LTBP1: variants seen among roughly 807,000 people sequenced by gnomAD.
The protein encoded by LTBP1 is latent-transforming growth factor beta-binding protein 1.
Under a neutral mutation model 207.6 loss-of-function variants are expected in LTBP1, and 129 were observed. The ratio of observed to expected loss-of-function variants is 0.62; its 90% confidence interval spans 0.54 to 0.72. The LOEUF (loss-of-function observed/expected upper bound fraction) is 0.72, where lower values mean the gene tolerates loss of function less well. LTBP1 is among the 30% of genes least tolerant of loss of function. LTBP1 has a pLI of 0.00. For missense variants in LTBP1, 2,281 were observed against 2,217.2 expected (o/e 1.03, Z -0.58); for synonymous variants, 963 against 833.7 (o/e 1.16, Z -2.67).
At chr2:33,341,729 A>AAAAAAAAAAAATATAT (rs745445793) in intron 24 of LTBP1, among the ~76,000 whole-genome samples, 2 of 93,636 alleles carry the variant, frequency 2.1e-5, no homozygotes, top group African/African-American at 1.0e-4. Context: ...AAAAAAAAAA[A>AAAAAAAAAAAATATAT]ATATATATAT....
chr2:33,382,548 C>G lies in LTBP1; in HGVS notation c.4712-6636C>G, dbSNP rs202109320. On this transcript the variant is annotated intron_variant, in intron 31 of 33. Transcript: ENST00000404816. ...CTTCCAGGATGACTTTAGTCATCGTCTCTGTGATCCTGATAAGTTATTGCA... is the reference window on the plus strand; with the variant it reads ...CTTCCAGGATGACTTTAGTCATCGTGTCTGTGATCCTGATAAGTTATTGCA... Among the ~76,000 whole-genome samples the G allele has an allele frequency of 2.6e-5, 4 of 152,196 alleles. No individual in the cohort carries two copies. In the East Asian group the frequency reaches 5.8e-4, roughly 22 times the overall value.
In LTBP1 at chr2:33,093,433, C is replaced by G. The variant is rs186209482; in HGVS notation, c.864-17149C>G. On this transcript the variant is annotated intron_variant, in intron 3 of 33. Coordinates refer to ENST00000404816, the MANE Select transcript of LTBP1 (RefSeq NM_206943.4). ...TTGAAAAAAAATTACACAATTGGAA[C>G]AATTCAAGCATTTTGAAACATTCTC... Among the ~76,000 whole-genome samples the G allele has an allele frequency of 1.5e-3, 221 of 152,154 alleles. 1 individual carries two copies. The highest frequency in any genetic ancestry group is 3.6e-3 in the African/African-American group (150 of 41,522).
chr2:33,287,966 G>A (rs147177802), intron 19 of LTBP1, among the ~76,000 whole-genome samples: 328 of 152,286 alleles, frequency 2.2e-3, no homozygotes, highest in African/African-American at 7.4e-3. Flanking sequence ...AAGATTATGT[G>A]TGAAGAATAG....
At chr2:33,327,699 T>G (rs140895582) in intron 24 of LTBP1, among the ~76,000 whole-genome samples, 75 of 152,328 alleles carry the variant, frequency 4.9e-4, no homozygotes, top group African/African-American at 1.6e-3. Context: ...TATTTCAGTC[T>G]AATATATATG....
intron 3 of LTBP1, among the ~76,000 whole-genome samples, chr2:33,058,814 C>CT (rs2077130533): frequency 6.6e-6 from 1 of 152,036 alleles, no homozygotes. Flanking sequence ...AGAATGGTAC[C>CT]TTACTATAAA....
intron 15 of LTBP1, among the ~76,000 whole-genome samples, chr2:33,264,085 C>T (rs570928735): frequency 1.3e-5 from 2 of 151,652 alleles, no homozygotes; most frequent in African/African-American, 4.8e-5. Context: ...GAAACCCCAT[C>T]TCTACTAAAA....
chr2:32,968,446 T>A (rs1680322807), intron 2 of LTBP1, among the ~76,000 whole-genome samples: 1 of 152,234 alleles, frequency 6.6e-6, no homozygotes, highest in South Asian at 2.1e-4. Flanking sequence ...TATTTCTGCT[T>A]TCTTTTGGTT....
chr2:33,122,249 C>G (rs1281325067), intron 4 of LTBP1, among the ~76,000 whole-genome samples: 2 of 152,194 alleles, frequency 1.3e-5, no homozygotes, highest in Non-Finnish European at 2.9e-5. Flanking sequence ...GTCTGCTGAC[C>G]TGCCAACTCC....
In LTBP1 at chr2:32,947,450, C is replaced by G. The variant is rs1012344658; in HGVS notation, c.126C>G (p.Ala42=). The G allele has an allele frequency of 2.8e-6, 4 of 1,444,300 alleles. No homozygotes were observed. In the African/African-American group the frequency reaches 5.9e-5, roughly 21 times the overall value. 89.5% of individuals were successfully genotyped at this position (1,444,300 alleles called of 1,614,324 possible). Residue 42 remains alanine (A), a synonymous_variant, in exon 1 of 34, where the codon GCC becomes GCG. Coordinates refer to ENST00000404816, the MANE Select transcript of LTBP1 (RefSeq NM_206943.4). Reference sequence around the variant, plus strand: ...CGGGCCCCGGCCTGGCAGCCGGCGCCTTGCCCCTGAGCGGGCCCCCGCGTT... The same window carrying G: ...CGGGCCCCGGCCTGGCAGCCGGCGCGTTGCCCCTGAGCGGGCCCCCGCGTT... ...VHPGPGLAAG[A]LPLSGPPRSR... is the part of the protein sequence containing the mutation.
intron 2 of LTBP1, among the ~76,000 whole-genome samples, chr2:32,976,340 C>A (rs1572902732): frequency 6.6e-6 from 1 of 152,254 alleles, no homozygotes; most frequent in East Asian, 1.9e-4. Context: ...GGGATCCATG[C>A]TGGCTTGTGT....
At chr2:33,085,673 T>C (rs1435058625) in intron 3 of LTBP1, among the ~76,000 whole-genome samples, 4 of 152,202 alleles carry the variant, frequency 2.6e-5, no homozygotes, top group Admixed American at 6.5e-5. Context: ...ATTTAGAGTA[T>C]TGAAGTCACT....
intron 7 of LTBP1, among the ~76,000 whole-genome samples, chr2:33,201,481 G>C (rs1415192161): frequency 1.3e-5 from 2 of 151,534 alleles, no homozygotes; most frequent in African/African-American, 4.9e-5. Flanking sequence ...ACTGTTGTGG[G>C]GTGGGGGGAG....
chr2:33,239,737 A>AT (rs1653062082), intron 9 of LTBP1, among the ~76,000 whole-genome samples: 1 of 110,278 alleles, frequency 9.1e-6, no homozygotes, highest in Non-Finnish European at 2.1e-5. Flanking sequence ...TACTAAAAAT[A>AT]CAAAAAAAAA....
Position 33,110,758 on chromosome 2 carries a change from A to G in LTBP1, c.1033+7A>G, listed in dbSNP as rs1277149000. 6.2e-7 allele frequency: 1 copy of G among 1,611,502 alleles called. No homozygotes were observed. The highest frequency in any genetic ancestry group is 1.7e-5 in the Admixed American group (1 of 59,976). On this transcript the variant is annotated splice_region_variant and intron_variant, in intron 4 of 33. Transcript: ENST00000404816. ...GTTGCGGCACCTTTTCAGCGTGAGT[A>G]TAGTCTTATCAACCATTTTCCCAAG... is the stretch of plus-strand genomic sequence containing the variant.
intron 7 of LTBP1, among the ~76,000 whole-genome samples, chr2:33,201,835 G>A (rs1216037881): frequency 6.6e-6 from 1 of 152,080 alleles, no homozygotes; most frequent in African/African-American, 2.4e-5. Flanking sequence ...GGGCAAAATT[G>A]GGTTAAAGTG....
Position 33,217,924 on chromosome 2 carries a change from G to C in LTBP1, c.1804+270G>C, listed in dbSNP as rs569532135. ...TCTTAAGTGGTAATGAGTTAAAATG[G>C]ACTTTTTGTCTCAGGGGAAGAGAAA... On this transcript the variant is annotated intron_variant, in intron 8 of 33. Transcript: ENST00000404816. Among the ~76,000 whole-genome samples, 465 of 152,220 alleles carry C rather than the reference G, an allele frequency of 3.1e-3. 2 individuals are homozygous for C. Among genetic ancestry groups the C allele is most frequent in the Non-Finnish European group, 4.7e-3 (321 of 68,002 alleles).
At chr2:33,396,584 A>G (rs2095360249) in intron 32 of LTBP1, among the ~76,000 whole-genome samples, 1 of 151,904 alleles carries the variant, frequency 6.6e-6, no homozygotes, top group Non-Finnish European at 1.5e-5. Flanking sequence ...CTTTTACTGA[A>G]TTTTTCCTTT....
chr2:33,267,110 T>C (rs1218677454), intron 15 of LTBP1, among the ~76,000 whole-genome samples: 1 of 152,246 alleles, frequency 6.6e-6, no homozygotes, highest in East Asian at 1.9e-4. Flanking sequence ...TGGCAGTATA[T>C]CTGGTCCAGC....
chr2:33,013,251 T>G (rs1179983231), intron 2 of LTBP1, among the ~76,000 whole-genome samples: 1 of 152,130 alleles, frequency 6.6e-6, no homozygotes, highest in Non-Finnish European at 1.5e-5. Context: ...AATATTTATA[T>G]TTTCTAAAAA....
Sources: allele counts gnomAD v4.1 joint callset (sites outside exome capture counted in the v4.1 genomes callset), GRCh38; gene constraint gnomAD v4.1.1; transcripts MANE v1.5; gene names NCBI Gene and HGNC (gene_info 2026-07-23, HGNC 2026-07-21).